Variants in MRAP2 observed in about 807,000 individuals in gnomAD.
MRAP2 encodes the protein melanocortin-2 receptor accessory protein 2.
MRAP2 carries 20 observed loss-of-function variants against 17.4 expected under a neutral mutation model. That is an observed-to-expected ratio of 1.15 (90% CI 0.81 to 1.67). The LOEUF is 1.67. Ranked by LOEUF, MRAP2 falls within the 40% of genes most tolerant of loss-of-function variation. MRAP2 has a pLI of 0.00. For missense variants in MRAP2, 238 were observed against 240.0 expected, an observed-to-expected ratio of 0.99 and a Z score of 0.05; for synonymous variants, 96 against 88.4, an observed-to-expected ratio of 1.09 and a Z score of -0.48.
chr6:84,034,165 C>T (rs1313953472), intron 1 of MRAP2, among the ~76,000 whole-genome samples: 3 of 152,236 alleles, frequency 2.0e-5, no homozygotes, highest in Admixed American at 6.5e-5. Flanking sequence ...AGCGGCGGCG[C>T]TCGGGGCTTG....
At chr6:84,111,737 G>T in the MRAP2 span, among the ~76,000 whole-genome samples, 2 of 152,056 alleles carry the variant, frequency 1.3e-5, no homozygotes, top group South Asian at 2.1e-4. Flanking sequence ...ATTGGCTGTG[G>T]GTTTGTCATA....
Position 84,062,922 on chromosome 6 carries a change from C to A in MRAP2, c.157C>A (p.Leu53Ile). 1.2e-6 allele frequency: 2 copies of A among 1,614,118 alleles called. No individual in the cohort carries two copies. The highest frequency in any genetic ancestry group is 2.2e-5 in the South Asian group (2 of 91,076). ...CATTGTGATTGGATTTTGGGTTGGT[C>A]TTGCAGTCTTCGTGATTTTTATGTT... ...YSIVIGFWVG[L>I]AVFVIFMFFV... The change falls in exon 3 of 4, where the codon CTT becomes ATT. Residue 53 changes from leucine to isoleucine, a missense_variant. Leu to Ile is a conservative substitution (Grantham distance 5). Transcript: ENST00000257776.
the MRAP2 span, among the ~76,000 whole-genome samples, chr6:84,107,532 T>G: frequency 6.6e-6 from 1 of 152,192 alleles, no homozygotes; most frequent in Non-Finnish European, 1.5e-5. Flanking sequence ...TGGAACAATG[T>G]GATACCTTGT....
chr6:84,049,982 A>ATGTG (rs3028685), intron 1 of MRAP2, among the ~76,000 whole-genome samples: 38,681 of 151,092 alleles, frequency 0.26, 6,463 homozygotes, highest in African/African-American at 0.48. Context: ...GCGTGCATTC[A>ATGTG]TGTGTGTGTG....
At chr6:84,039,194 C>T (rs778630974) in intron 1 of MRAP2, among the ~76,000 whole-genome samples, 1 of 152,172 alleles carries the variant, frequency 6.6e-6, no homozygotes, top group African/African-American at 2.4e-5. Flanking sequence ...TCTCCATTTA[C>T]ATTAGTCTGT....
intron 2 of MRAP2, among the ~76,000 whole-genome samples, chr6:84,057,962 C>G (rs1588635053): frequency 6.6e-6 from 1 of 151,848 alleles, no homozygotes. Flanking sequence ...GGATCCTTGG[C>G]GGGAGTGAAC....
the MRAP2 span, among the ~76,000 whole-genome samples, chr6:84,136,720 G>GA: frequency 5.3e-4 from 80 of 151,812 alleles, 1 homozygote; most frequent in African/African-American, 1.4e-3. Flanking sequence ...TTAAATCAAT[G>GA]AAAAAAAATG....
the MRAP2 span, among the ~76,000 whole-genome samples, chr6:84,135,044 CATG>C: frequency 6.6e-6 from 1 of 151,794 alleles, no homozygotes; most frequent in Admixed American, 6.6e-5. Flanking sequence ...TATGTACACA[CATG>C]AGAACCATAT....
chr6:84,035,308 C>T, intron 1 of MRAP2: 1 of 467,622 alleles, frequency 2.1e-6, no homozygotes, highest in Non-Finnish European at 2.8e-6. Flanking sequence ...AAGAGGGAAA[C>T]ATTGAATCCT....
the MRAP2 span, among the ~76,000 whole-genome samples, chr6:84,144,339 G>A: frequency 6.6e-6 from 1 of 152,086 alleles, no homozygotes; most frequent in South Asian, 2.1e-4. Context: ...AATCTGGTAT[G>A]TCTTGGTATG....
chr6:84,119,697 T>C, the MRAP2 span, among the ~76,000 whole-genome samples: 2 of 152,212 alleles, frequency 1.3e-5, no homozygotes, highest in Non-Finnish European at 2.9e-5. Context: ...CTAAATTACA[T>C]GCCTCTTACA....
At chr6:84,056,776 C>T (rs2099491820) in intron 2 of MRAP2, among the ~76,000 whole-genome samples, 1 of 152,118 alleles carries the variant, frequency 6.6e-6, no homozygotes, top group African/African-American at 2.4e-5. Flanking sequence ...ACTTTTGTGT[C>T]AGCTTGCTCC....
At chr6:84,111,762 T>C in the MRAP2 span, among the ~76,000 whole-genome samples, 3 of 152,200 alleles carry the variant, frequency 2.0e-5, no homozygotes, top group African/African-American at 7.2e-5. Flanking sequence ...GCTCTTATTA[T>C]TTTGAGATAC....
At chr6:84,068,478 T>C (rs1394109810) in intron 3 of MRAP2, among the ~76,000 whole-genome samples, 1 of 152,238 alleles carries the variant, frequency 6.6e-6, no homozygotes, top group East Asian at 1.9e-4. Flanking sequence ...CATTTGGCAG[T>C]ATAGTCATTT....
intron 1 of MRAP2, chr6:84,045,299 C>A: frequency 1.0e-6 from 1 of 985,362 alleles, no homozygotes; most frequent in Non-Finnish European, 1.2e-6. Flanking sequence ...CTGTCAGGTA[C>A]AGCTGATGAG....
downstream of MRAP2, among the ~76,000 whole-genome samples, chr6:84,095,149 A>AGGAACCCTGAGCTTAGG (rs544285355): frequency 7.1e-4 from 108 of 152,318 alleles, 2 homozygotes; most frequent in East Asian, 0.018. Context: ...ATCATGGCTG[A>AGGAACCCTGAGCTTAGG]GGAACCCTGA....
intron 3 of MRAP2, among the ~76,000 whole-genome samples, chr6:84,081,163 G>A (rs939066507): frequency 6.6e-6 from 1 of 152,130 alleles, no homozygotes; most frequent in Non-Finnish European, 1.5e-5. Flanking sequence ...CCAGCAAAAC[G>A]TATTGATTGT....
chr6:84,145,122 G>A, the MRAP2 span, among the ~76,000 whole-genome samples: 17 of 152,054 alleles, frequency 1.1e-4, no homozygotes, highest in African/African-American at 3.6e-4. Flanking sequence ...GAAAAAACTG[G>A]CTTGGTACCT....
chr6:84,088,160 G>T (rs1028369145), intron 3 of MRAP2, among the ~76,000 whole-genome samples: 1 of 152,176 alleles, frequency 6.6e-6, no homozygotes, highest in Non-Finnish European at 1.5e-5. Context: ...ATTTTTGTCA[G>T]GTTCTGTTCT....
Sources: allele counts gnomAD v4.1 joint callset (sites outside exome capture counted in the v4.1 genomes callset), GRCh38; gene constraint gnomAD v4.1.1; transcripts MANE v1.5; gene names NCBI Gene and HGNC (gene_info 2026-07-23, HGNC 2026-07-21).